Variants in FILIP1 observed in about 807,000 individuals in gnomAD.
FILIP1 encodes the protein filamin A interacting protein 1.
FILIP1 carries 61 observed loss-of-function variants against 102.1 expected under a neutral mutation model. The ratio of observed to expected loss-of-function variants is 0.60; its 90% CI spans 0.49 to 0.74. FILIP1 has a LOEUF of 0.74. Among genes scored for constraint, FILIP1 ranks in the 30% least tolerant of loss-of-function variants. The pLI, the probability that FILIP1 is intolerant of heterozygous loss-of-function variation, is 0.00. For synonymous variants in FILIP1, 491 were observed against 526.9 expected, an observed-to-expected ratio of 0.93 and a Z score of 0.93; for missense variants, 1,314 against 1,441.2, an observed-to-expected ratio of 0.91 and a Z score of 1.43.
chr6:75,454,684 T>C (rs1359936879), intron 1 of FILIP1, among the ~76,000 whole-genome samples: 1 of 152,232 alleles, frequency 6.6e-6, no homozygotes, highest in Non-Finnish European at 1.5e-5. Context: ...GAAATATTTC[T>C]ACAATAGGCC....
chr6:75,454,819 G>A (rs1445644641), intron 1 of FILIP1: 1 of 151,920 alleles, frequency 6.6e-6, no homozygotes, highest in African/African-American at 2.4e-5. Context: ...ATTTTTGTAG[G>A]ATCAACTAAT....
chr6:75,350,335 T>C (rs1346814955), intron 4 of FILIP1, among the ~76,000 whole-genome samples: 2 of 152,124 alleles, frequency 1.3e-5, no homozygotes, highest in African/African-American at 4.8e-5. Flanking sequence ...ACGTGAAAGT[T>C]TGGTGACATA....
chr6:75,434,568 C>T (rs1054399259), intron 1 of FILIP1, among the ~76,000 whole-genome samples: 1 of 152,210 alleles, frequency 6.6e-6, no homozygotes, highest in African/African-American at 2.4e-5. Context: ...AGTTGCTTAT[C>T]AGCTTAAGGA....
chr6:75,335,926 A>C (rs1265214755), intron 4 of FILIP1, among the ~76,000 whole-genome samples: 5 of 152,204 alleles, frequency 3.3e-5, no homozygotes, highest in Non-Finnish European at 2.9e-5. Context: ...AACTGAATAT[A>C]ATAATTACTT....
At chr6:75,463,488 A>G (rs1257235915) in intron 1 of FILIP1, among the ~76,000 whole-genome samples, 2 of 152,214 alleles carry the variant, frequency 1.3e-5, no homozygotes, top group African/African-American at 4.8e-5. Context: ...GTTTTGGATT[A>G]CTCAATTAAG....
At chr6:75,436,195 A>G (rs1778013523) in intron 1 of FILIP1, among the ~76,000 whole-genome samples, 1 of 152,020 alleles carries the variant, frequency 6.6e-6, no homozygotes, top group African/African-American at 2.4e-5. Flanking sequence ...CAACATGGTG[A>G]AACCCTGTCT....
At chr6:75,321,803 A>C (rs1405892062) in intron 4 of FILIP1, among the ~76,000 whole-genome samples, 1 of 150,862 alleles carries the variant, frequency 6.6e-6, no homozygotes, top group African/African-American at 2.4e-5. Context: ...TCCGTCTCAA[A>C]AAAAAAAAAA....
rs183330705 is a variant in FILIP1, at chr6:75,447,564, C to A, written c.-6-32586G>T. ...CCAAACTGAGATGATTTAAAATAAT[C>A]ATAGGATAGAAAGATAGATGGAGGC... On this transcript the variant is annotated intron_variant, in intron 1 of 5. Transcript: ENST00000237172. Among the ~76,000 whole-genome samples, 42 of 152,124 alleles carry A rather than the reference C, an allele frequency of 2.8e-4. 1 individual carries two copies. Among genetic ancestry groups the A allele is most frequent in the Admixed American group, 1.6e-3 (24 of 15,288 alleles).
At chr6:75,485,951 C>T (rs182535627) in intron 1 of FILIP1, among the ~76,000 whole-genome samples, 62 of 150,538 alleles carry the variant, frequency 4.1e-4, no homozygotes, top group Non-Finnish European at 2.8e-4. Flanking sequence ...CCGCCTTCCT[C>T]ACTGCCTTCT....
intron 1 of FILIP1, chr6:75,453,950 A>G: frequency 2.2e-6 from 1 of 456,730 alleles, no homozygotes; most frequent in African/African-American, 2.0e-5. Context: ...AGAACACTGT[A>G]TTAGTTTTCT....
At chr6:75,391,123 A>G (rs972450441) in intron 2 of FILIP1, among the ~76,000 whole-genome samples, 4 of 152,132 alleles carry the variant, frequency 2.6e-5, no homozygotes, top group African/African-American at 9.7e-5. Flanking sequence ...ATGGCAGCAC[A>G]TTATAATCCA....
At chr6:75,427,077 AAGG>A (rs1439781658) in intron 1 of FILIP1, among the ~76,000 whole-genome samples, 2 of 152,090 alleles carry the variant, frequency 1.3e-5, no homozygotes, top group Non-Finnish European at 1.5e-5. Context: ...CCAAGATATA[AAGG>A]AGGAGAGCTT....
intron 2 of FILIP1, among the ~76,000 whole-genome samples, chr6:75,383,977 T>C (rs975849314): frequency 6.6e-6 from 1 of 152,194 alleles, no homozygotes; most frequent in Admixed American, 6.5e-5. Context: ...TATTTTTTTA[T>C]TCAACAATAG....
chr6:75,436,895 A>G (rs1009062871), intron 1 of FILIP1, among the ~76,000 whole-genome samples: 1 of 152,210 alleles, frequency 6.6e-6, no homozygotes, highest in African/African-American at 2.4e-5. Context: ...TACCCCCATC[A>G]TGGTCAATTT....
chr6:75,307,663 T>G (rs1297443080), downstream of FILIP1, among the ~76,000 whole-genome samples: 1 of 152,108 alleles, frequency 6.6e-6, no homozygotes, highest in African/African-American at 2.4e-5. Context: ...TGCCTAAAAA[T>G]GAAAGAAACT....
chr6:75,313,073 T>C lies in FILIP1; in HGVS notation c.2759A>G (p.Asn920Ser). 1 of 1,614,198 alleles carries C rather than the reference T, an allele frequency of 6.2e-7. No individual in the cohort carries two copies. Among genetic ancestry groups the C allele is most frequent in the Non-Finnish European group, 8.5e-7 (1 of 1,180,034 alleles). Residue 920 changes from asparagine (N) to serine (S), a missense_variant, in exon 5 of 6, where the codon AAC becomes AGC. Transcript: ENST00000237172. This position sits in a 1 kb window ranked among gnomAD's most constrained non-coding sequence, Gnocchi z 4.2. The stretch of plus-strand genomic sequence containing the variant: ...TGTTATCTCCAAAGTCGCAGTGCTG[T>C]TCTCGTGGTCTGGTGTCACTCGAAT... Reference protein sequence around the residue: ...LHIRVTPDHENSTATLEITSP... With the variant: ...LHIRVTPDHESSTATLEITSP...
intron 2 of FILIP1, among the ~76,000 whole-genome samples, chr6:75,376,642 C>CCACT (rs1775762146): frequency 2.0e-5 from 3 of 152,138 alleles, no homozygotes; most frequent in Non-Finnish European, 4.4e-5. Context: ...ATTGCCTGAT[C>CCACT]CACTGGGCAA....
chr6:75,340,805 C>T (rs1774394793), intron 4 of FILIP1, among the ~76,000 whole-genome samples: 1 of 151,618 alleles, frequency 6.6e-6, no homozygotes, highest in Non-Finnish European at 1.5e-5. Context: ...AAGCAATTCT[C>T]CTATCTCAGC....
At chr6:75,357,005 C>T (rs544934157) in intron 3 of FILIP1, among the ~76,000 whole-genome samples, 1 of 152,262 alleles carries the variant, frequency 6.6e-6, no homozygotes, top group South Asian at 2.1e-4. Flanking sequence ...ATAGGACCCT[C>T]CATCTTTTGG....
Sources: gnomAD v4.1 joint callset for allele counts (sites outside exome capture counted in the v4.1 genomes callset) on GRCh38, gnomAD v4.1.1 for gene constraint, Gnocchi (gnomAD v3.1) non-coding constraint, MANE v1.5 for transcripts, NCBI Gene and HGNC (gene_info 2026-07-23, HGNC 2026-07-21) for gene names.